The following C11orf65 variants were observed in gnomAD, a reference collection of about 807,000 sequenced individuals.
C11orf65 encodes the protein protein MFI.
C11orf65 carries 38 observed loss-of-function variants against 35.3 expected under a neutral mutation model. The observed-to-expected ratio is 1.08, with a 90% CI of 0.83 to 1.41. The LOEUF (loss-of-function observed/expected upper bound fraction) is 1.41. Among genes scored for constraint, C11orf65 ranks in the 40% most tolerant of loss-of-function variants. The pLI is 0.00. For synonymous variants in C11orf65, 105 were observed against 114.4 expected, an observed-to-expected ratio of 0.92 and a Z score of 0.53; for missense variants, 370 against 367.1, an observed-to-expected ratio of 1.01 and a Z score of -0.06.
At chr11:108,437,093 A>AC (rs1387809382) in intron 2 of C11orf65, among the ~76,000 whole-genome samples, 2 of 78,796 alleles carry the variant, frequency 2.5e-5, no homozygotes, top group East Asian at 4.5e-4. Context: ...ACCCATTACG[A>AC]CAAAAAAAAA....
At chr11:108,468,079 CT>C (rs750280156), upstream of C11orf65, among the ~76,000 whole-genome samples, 39 of 152,252 alleles carry the variant, frequency 2.6e-4, no homozygotes, top group Middle Eastern at 3.4e-3. Context: ...CGATCCCCCC[CT>C]ACCCCATCTC....
intron 2 of C11orf65, among the ~76,000 whole-genome samples, chr11:108,450,840 A>C (rs2093338315): frequency 6.6e-6 from 1 of 151,914 alleles, no homozygotes; most frequent in Non-Finnish European, 1.5e-5. Flanking sequence ...CTGGGATGCA[A>C]GGCTGGTTCA....
At chr11:108,319,818 C>A in intron 6 of C11orf65, 2 of 653,820 alleles carry the variant, frequency 3.1e-6, no homozygotes, top group Non-Finnish European at 5.3e-6. Context: ...TATTTCTTAC[C>A]AAAAATTCTA....
chr11:108,422,794 A>G (rs1477462805), intron 3 of C11orf65, among the ~76,000 whole-genome samples: 1 of 151,848 alleles, frequency 6.6e-6, no homozygotes, highest in East Asian at 1.9e-4. Flanking sequence ...AGGCAGGAGC[A>G]TCACTTGAAC....
chr11:108,379,481 TG>T, downstream of C11orf65, among the ~76,000 whole-genome samples: 1 of 60,266 alleles, frequency 1.7e-5, no homozygotes, highest in Admixed American at 2.1e-4. Flanking sequence ...TGTTGTGGGG[TG>T]GGGGGAGGGG....
In C11orf65 at chr11:108,319,971, C is replaced by G. The variant is rs1555116369; in HGVS notation, c.641-10900G>C. ...TCTCACAGCAAAGAAGTAGAAGGAACCAGTTACCATGAATCATTGTACAAT... is the reference window on the plus strand; with the variant it reads ...TCTCACAGCAAAGAAGTAGAAGGAAGCAGTTACCATGAATCATTGTACAAT... On this transcript the variant is annotated intron_variant, in intron 6 of 6. Transcript: ENST00000525729. 6.2e-7 allele frequency: 1 copy of G among 1,611,288 alleles called. No homozygotes were observed. The highest frequency in any genetic ancestry group is 1.3e-5 in the African/African-American group (1 of 74,822).
chr11:108,404,672 G>A (rs547994614), intron 6 of C11orf65, among the ~76,000 whole-genome samples: 1 of 148,892 alleles, frequency 6.7e-6, no homozygotes, highest in Non-Finnish European at 1.5e-5. Context: ...CTCGTGATCT[G>A]CCTGCCTCAG....
chr11:108,458,524 G>A (rs1331493473), intron 2 of C11orf65, among the ~76,000 whole-genome samples: 3 of 152,032 alleles, frequency 2.0e-5, no homozygotes, highest in Non-Finnish European at 2.9e-5. Context: ...CTTGGGTGTC[G>A]TTTCCCCCAG....
chr11:108,368,040 C>T, intron 2 of C11orf65: 1 of 206,874 alleles, frequency 4.8e-6, no homozygotes, highest in Non-Finnish European at 9.9e-6. Flanking sequence ...ATCCAGAGAG[C>T]TTTGAATAAC....
chr11:108,384,036 A>G (rs1385161962), intron 8 of C11orf65, among the ~76,000 whole-genome samples: 1 of 151,760 alleles, frequency 6.6e-6, no homozygotes, highest in Admixed American at 6.6e-5. Context: ...CTGACATTTT[A>G]TTTTTTGTAG....
intron 8 of C11orf65, among the ~76,000 whole-genome samples, chr11:108,384,606 T>C (rs891398239): frequency 2.6e-5 from 4 of 152,030 alleles, no homozygotes; most frequent in Non-Finnish European, 5.9e-5. Flanking sequence ...AAATCCCATC[T>C]TGACAAAAAT....
At chr11:108,336,138 AG>A in intron 2 of C11orf65, 39 of 546,876 alleles carry the variant, frequency 7.1e-5, no homozygotes, top group Middle Eastern at 5.1e-4. Flanking sequence ...CTTGACAAAA[AG>A]TTAAAAAAAA....
chr11:108,406,879 C>T lies in C11orf65; in HGVS notation c.313G>A (p.Ala105Thr). ...DLCANSPRNY[A>T]KLPAKHTSHN... is the part of the protein sequence containing the mutation. ...GATGTATGCTTTGCTGGAAGTTTTG[C>T]ATAATTTCTAGGGCTGTTAGCACAG... Residue 105 changes from alanine (A) to threonine (T), a missense_variant, in exon 5 of 9, where the codon GCA (alanine) becomes ACA (threonine). By Grantham distance (58) the Ala-to-Thr change is moderately conservative. Coordinates refer to ENST00000393084, the MANE Select transcript of C11orf65 (RefSeq NM_152587.5). 6.2e-7 allele frequency: 1 copy of T among 1,612,790 alleles called. No homozygotes were observed. The highest frequency in any genetic ancestry group is 8.5e-7 in the Non-Finnish European group (1 of 1,179,052).
At chr11:108,423,799 G>A (rs2092857323) in intron 3 of C11orf65, among the ~76,000 whole-genome samples, 1 of 152,172 alleles carries the variant, frequency 6.6e-6, no homozygotes, top group Non-Finnish European at 1.5e-5. Flanking sequence ...GCAGACTCCA[G>A]CAGACCTGCA....
chr11:108,438,928 CGCAGGAG>C (rs1007021500), intron 2 of C11orf65, among the ~76,000 whole-genome samples: 4 of 151,918 alleles, frequency 2.6e-5, no homozygotes, highest in Non-Finnish European at 1.5e-5. Flanking sequence ...ATCATTTGAA[CGCAGGAG>C]GCAGAGGTTG....
At chr11:108,371,529 T>C (rs1379445511) in intron 2 of C11orf65, among the ~76,000 whole-genome samples, 1 of 152,202 alleles carries the variant, frequency 6.6e-6, no homozygotes, top group East Asian at 1.9e-4. Context: ...CATAATGTCC[T>C]CAAGGTTCGT....
chr11:108,404,522 C>T (rs2092501808), intron 6 of C11orf65, among the ~76,000 whole-genome samples: 1 of 152,110 alleles, frequency 6.6e-6, no homozygotes, highest in Middle Eastern at 3.2e-3. Flanking sequence ...ATTCTCCTGC[C>T]TCAGCCTCCC....
intron 3 of C11orf65, among the ~76,000 whole-genome samples, chr11:108,418,908 T>C (rs2092778153): frequency 6.6e-6 from 1 of 152,122 alleles, no homozygotes; most frequent in Non-Finnish European, 1.5e-5. Context: ...GAAAACTTCC[T>C]AGAAAAATAC....
At chr11:108,391,070 G>T (rs2092148344) in intron 7 of C11orf65, among the ~76,000 whole-genome samples, 1 of 149,962 alleles carries the variant, frequency 6.7e-6, no homozygotes, top group South Asian at 2.1e-4. Flanking sequence ...TGCTTCCTCT[G>T]GCTTCTTTTT....
Sources: gnomAD v4.1 joint callset for allele counts (sites outside exome capture counted in the v4.1 genomes callset) on GRCh38, gnomAD v4.1.1 for gene constraint, MANE v1.5 for transcripts, NCBI Gene and HGNC (gene_info 2026-07-23, HGNC 2026-07-21) for gene names.